The following HEMK2 variants were observed in gnomAD, a reference collection of about 807,000 sequenced individuals.
The protein encoded by HEMK2 is HemK methyltransferase 2, ETF1 glutamine and histone H4 lysine, also known as methyltransferase HEMK2.
chr21:28,707,996 T>A, the HEMK2 span, among the ~76,000 whole-genome samples: 9 of 152,172 alleles, frequency 5.9e-5, no homozygotes, highest in African/African-American at 2.2e-4. Context: ...CGGTGTGAAC[T>A]TGGCTAGGAG....
chr21:28,757,764 C>T, the HEMK2 span, among the ~76,000 whole-genome samples: 52 of 152,172 alleles, frequency 3.4e-4, no homozygotes, highest in African/African-American at 1.2e-3. Context: ...TAAGCGTAGA[C>T]GTAAGGCCAA....
chr21:28,730,603 T>C, the HEMK2 span, among the ~76,000 whole-genome samples: 12 of 152,062 alleles, frequency 7.9e-5, no homozygotes, highest in African/African-American at 2.7e-4. Flanking sequence ...CACAGGCTAT[T>C]GAACTGAGGC....
At chr21:28,845,185 T>C in the HEMK2 span, among the ~76,000 whole-genome samples, 1 of 152,216 alleles carries the variant, frequency 6.6e-6, no homozygotes, top group East Asian at 1.9e-4. Context: ...AGATGGATAA[T>C]CAATTGTCCA....
the HEMK2 span, among the ~76,000 whole-genome samples, chr21:28,654,018 T>C: frequency 6.6e-6 from 1 of 152,188 alleles, no homozygotes; most frequent in Admixed American, 6.6e-5. Context: ...ACTGGAATTA[T>C]TGTTGACCAA....
chr21:28,655,295 G>C, the HEMK2 span, among the ~76,000 whole-genome samples: 3 of 151,648 alleles, frequency 2.0e-5, no homozygotes, highest in Non-Finnish European at 4.4e-5. Context: ...ACTAGTATAG[G>C]GCAAAAAATG....
At chr21:28,669,668 A>G in the HEMK2 span, among the ~76,000 whole-genome samples, 1 of 152,342 alleles carries the variant, frequency 6.6e-6, no homozygotes, top group East Asian at 1.9e-4. Context: ...AGCCCAAGCA[A>G]GAAGCCAAGC....
chr21:28,799,649 A>G, the HEMK2 span, among the ~76,000 whole-genome samples: 12 of 152,154 alleles, frequency 7.9e-5, no homozygotes, highest in East Asian at 2.3e-3. Context: ...CTATAAAATC[A>G]CAATTCTAAA....
At chr21:28,588,143 G>A in the HEMK2 span, among the ~76,000 whole-genome samples, 95 of 152,248 alleles carry the variant, frequency 6.2e-4, no homozygotes, top group African/African-American at 2.2e-3. Flanking sequence ...CATAAATTAT[G>A]TGGCAAATAA....
the HEMK2 span, among the ~76,000 whole-genome samples, chr21:28,878,980 A>G: frequency 6.7e-6 from 1 of 148,266 alleles, no homozygotes; most frequent in African/African-American, 2.4e-5. Flanking sequence ...GGCACACTGA[A>G]GCATGTTTCC....
the HEMK2 span, among the ~76,000 whole-genome samples, chr21:28,636,076 T>C: frequency 6.9e-3 from 1,058 of 152,286 alleles, 14 homozygotes; most frequent in African/African-American, 0.024. Context: ...GTTCCACACT[T>C]GCCTACAGTG....
At chr21:28,620,660 CTTTT>C in the HEMK2 span, among the ~76,000 whole-genome samples, 3 of 49,648 alleles carry the variant, frequency 6.0e-5, no homozygotes, top group African/African-American at 9.5e-5. Flanking sequence ...TCTCTCTTTT[CTTTT>C]TTTTTTTTTT....
the HEMK2 span, among the ~76,000 whole-genome samples, chr21:28,704,276 C>A: frequency 6.6e-6 from 1 of 152,126 alleles, no homozygotes; most frequent in Admixed American, 6.6e-5. Context: ...CACTTTTTCC[C>A]CATTTTTATC....
chr21:28,658,316 T>C, the HEMK2 span, among the ~76,000 whole-genome samples: 7 of 152,048 alleles, frequency 4.6e-5, no homozygotes, highest in Non-Finnish European at 2.9e-5. Flanking sequence ...TCAAAGGATA[T>C]TAAAAATGCC....
the HEMK2 span, among the ~76,000 whole-genome samples, chr21:28,820,797 T>C: frequency 6.6e-6 from 1 of 152,098 alleles, no homozygotes; most frequent in Non-Finnish European, 1.5e-5. Flanking sequence ...TTGAATGTCT[T>C]CCATAGGGGG....
At chr21:28,745,831 G>A in the HEMK2 span, among the ~76,000 whole-genome samples, 1 of 152,184 alleles carries the variant, frequency 6.6e-6, no homozygotes, top group Non-Finnish European at 1.5e-5. Context: ...TCCTATCCCA[G>A]CATGTATACA....
chr21:28,695,823 C>T, the HEMK2 span, among the ~76,000 whole-genome samples: 1 of 151,824 alleles, frequency 6.6e-6, no homozygotes, highest in Non-Finnish European at 1.5e-5. Context: ...TAAAAGTCCA[C>T]AGTCCAAAGT....
chr21:28,829,922 G>C, the HEMK2 span, among the ~76,000 whole-genome samples: 1 of 152,172 alleles, frequency 6.6e-6, no homozygotes, highest in South Asian at 2.1e-4. Context: ...TTCCTGGAAA[G>C]ATGGTAGGCA....
the HEMK2 span, among the ~76,000 whole-genome samples, chr21:28,877,062 A>G: frequency 0.063 from 843 of 13,348 alleles, 35 homozygotes; most frequent in South Asian, 0.1. Context: ...GAGGGAGGGA[A>G]GGAGGGAGGG....
At chr21:28,700,185 C>A in the HEMK2 span, among the ~76,000 whole-genome samples, 1 of 152,130 alleles carries the variant, frequency 6.6e-6, no homozygotes, top group Non-Finnish European at 1.5e-5. Flanking sequence ...ATTGGTGTCA[C>A]CCCCACTATG....
Sources: gnomAD v4.1 joint callset for allele counts (sites outside exome capture counted in the v4.1 genomes callset) on GRCh38, gnomAD v4.1.1 for gene constraint, MANE v1.5 for transcripts, NCBI Gene and HGNC (gene_info 2026-07-23, HGNC 2026-07-21) for gene names.